The following FDFT1 variants were observed in gnomAD, a reference collection of about 807,000 sequenced individuals.
FDFT1 encodes squalene synthase.
FDFT1 carries 68 observed loss-of-function variants against 46.8 expected under a neutral mutation model. The ratio of observed to expected loss-of-function variants is 1.45; its 90% CI spans 1.19 to 1.78. The LOEUF is 1.78. FDFT1 is among the 40% of genes most tolerant of loss of function. The pLI is 0.00. For synonymous variants in FDFT1, 351 were observed against 185.1 expected, an observed-to-expected ratio of 1.90 and a Z score of -7.28; for missense variants, 928 against 524.4, an observed-to-expected ratio of 1.77 and a Z score of -7.52.
chr8:11,808,528 C>T (rs1807209591), intron 1 of FDFT1: 2 of 1,332,976 alleles, frequency 1.5e-6, no homozygotes, highest in East Asian at 3.0e-5. Context: ...ATGGCCGCAG[C>T]CGCCTGCGGC....
chr8:11,806,776 C>A (rs1167645328), intron 1 of FDFT1, among the ~76,000 whole-genome samples: 1 of 152,114 alleles, frequency 6.6e-6, no homozygotes, highest in African/African-American at 2.4e-5. Flanking sequence ...AATCCTGCCT[C>A]TCGATATTTT....
intron 5 of FDFT1, among the ~76,000 whole-genome samples, chr8:11,828,648 C>G (rs989684120): frequency 1.3e-5 from 2 of 152,268 alleles, no homozygotes; most frequent in African/African-American, 2.4e-5. Flanking sequence ...CTTACTTTAT[C>G]TGTAAAATAG....
chr8:11,817,075 A>T (rs1808561234), intron 3 of FDFT1, among the ~76,000 whole-genome samples: 1 of 152,322 alleles, frequency 6.6e-6, no homozygotes, highest in South Asian at 2.1e-4. Context: ...AGTTTTTAGC[A>T]TGAAAGACTG....
At position 11,831,610 on chromosome 8, in the gene FDFT1, G is replaced by A. The variant is rs9205; in HGVS notation, c.972G>A (p.Leu324=). 1.9e-6 allele frequency: 3 copies of A among 1,613,766 alleles called. No individual in the cohort carries two copies. The highest frequency in any genetic ancestry group is 1.7e-6 in the Non-Finnish European group (2 of 1,179,730). ...VKIRKGQAVT[L]MMDATNMPAV... is the part of the protein sequence containing the mutation. ...TTCGGAAAGGGCAAGCAGTGACCCT[G>A]ATGATGGATGCCACCAATATGCCAG... Residue 324 remains leucine, a synonymous_variant, in exon 7 of 8, where the codon CTG becomes CTA. Transcript: ENST00000220584.
chr8:11,807,396 C>G (rs1399912608), intron 1 of FDFT1, among the ~76,000 whole-genome samples: 2 of 152,160 alleles, frequency 1.3e-5, no homozygotes, highest in Non-Finnish European at 2.9e-5. Flanking sequence ...TTCCTGGGCT[C>G]AAGTGATTCT....
At chr8:11,830,174 C>A in intron 5 of FDFT1, 70 bp from the exon 6 acceptor site, 1 of 1,260,254 alleles carries the variant, frequency 7.9e-7, no homozygotes, top group South Asian at 1.2e-5. Context: ...CACAAAGACC[C>A]TTTAATATTG....
chr8:11,799,923 C>G (rs559922660), upstream of FDFT1, among the ~76,000 whole-genome samples: 1 of 139,786 alleles, frequency 7.2e-6, no homozygotes, highest in Non-Finnish European at 1.5e-5. Flanking sequence ...TCCAGCCTCA[C>G]GACAGAGTGA....
chr8:11,802,724 T>A, upstream of FDFT1: 1 of 838,600 alleles, frequency 1.2e-6, no homozygotes, highest in South Asian at 1.5e-5. Context: ...GCCTGCCCCC[T>A]GTCCGGCCAG....
intron 6 of FDFT1, among the ~76,000 whole-genome samples, chr8:11,830,793 C>T (rs978299705): frequency 6.6e-6 from 1 of 152,232 alleles, no homozygotes; most frequent in African/African-American, 2.4e-5. Context: ...CTAATTACTG[C>T]TGTCCTTTTC....
At chr8:11,829,215 A>G (rs1333922428) in intron 5 of FDFT1, among the ~76,000 whole-genome samples, 1 of 152,230 alleles carries the variant, frequency 6.6e-6, no homozygotes, top group Non-Finnish European at 1.5e-5. Context: ...TGTACATAAT[A>G]GAGAATTTGC....
At chr8:11,825,047 T>C (rs28441391) in intron 4 of FDFT1, among the ~76,000 whole-genome samples, 6,516 of 152,224 alleles carry the variant, frequency 0.043, 195 homozygotes, top group African/African-American at 0.076. Context: ...ATGTGCAGAG[T>C]TCTTAAAACC....
chr8:11,816,719 T>A (rs937636015), intron 3 of FDFT1, among the ~76,000 whole-genome samples: 11 of 152,246 alleles, frequency 7.2e-5, no homozygotes, highest in Non-Finnish European at 1.5e-4. Flanking sequence ...ACATTGATTT[T>A]GTATCCTGAG....
upstream of FDFT1, among the ~76,000 whole-genome samples, chr8:11,800,829 T>A (rs944328610): frequency 6.6e-6 from 1 of 152,258 alleles, no homozygotes; most frequent in Non-Finnish European, 1.5e-5. Context: ...ACCTCTACTT[T>A]ACTTTTTATA....
intron 1 of FDFT1, chr8:11,808,454 G>T: frequency 6.3e-6 from 8 of 1,268,664 alleles, no homozygotes; most frequent in Non-Finnish European, 7.9e-6. Context: ...CCCGCCCCTC[G>T]TCGGGCGCTT....
intron 1 of FDFT1, chr8:11,803,449 C>T (rs570550983): frequency 3.1e-6 from 4 of 1,279,928 alleles, no homozygotes; most frequent in East Asian, 5.6e-5. Flanking sequence ...GTTTTAAAAT[C>T]GCCTATCTAC....
chr8:11,797,123 G>C (rs1805632255), intron 1 of FDFT1, among the ~76,000 whole-genome samples: 1 of 152,220 alleles, frequency 6.6e-6, no homozygotes, highest in Non-Finnish European at 1.5e-5. Context: ...AACTGACATG[G>C]CAAACTGGTG....
intron 3 of FDFT1, among the ~76,000 whole-genome samples, chr8:11,819,826 A>G (rs1585932598): frequency 6.6e-6 from 1 of 151,986 alleles, no homozygotes; most frequent in Non-Finnish European, 1.5e-5. Context: ...GTTATTACCA[A>G]CCTTCTGAAG....
At chr8:11,804,284 C>G (rs902454839) in intron 1 of FDFT1, among the ~76,000 whole-genome samples, 6 of 152,208 alleles carry the variant, frequency 3.9e-5, no homozygotes, top group African/African-American at 1.4e-4. Context: ...CTCTATGTCT[C>G]TTTCCTTTCT....
In FDFT1 at chr8:11,838,747, A is replaced by G. The variant is rs1811924011; in HGVS notation, c.*138A>G. 8.6e-5 allele frequency: 62 copies of G among 720,696 alleles called. 1 individual carries two copies. In the South Asian group the frequency reaches 9.9e-4, roughly 12 times the overall value. The allele number at this position is 720,696 out of a possible 1,614,324, so 44.6% of individuals were successfully genotyped here. On this transcript the variant is annotated 3_prime_UTR_variant, in exon 8 of 8. Coordinates refer to ENST00000220584, the MANE Select transcript of FDFT1 (RefSeq NM_004462.5). ...ACGCTGTGTGGCTGGGACCTTTAGGAAAGTGAAATGCAGGTGAGAAGAACC... is the reference window on the plus strand; with the variant it reads ...ACGCTGTGTGGCTGGGACCTTTAGGGAAGTGAAATGCAGGTGAGAAGAACC...
Sources: allele counts gnomAD v4.1 joint callset (sites outside exome capture counted in the v4.1 genomes callset), GRCh38; gene constraint gnomAD v4.1.1; transcripts MANE v1.5; gene names NCBI Gene and HGNC (gene_info 2026-07-23, HGNC 2026-07-21).